The following AFF2 variants were observed in gnomAD, a reference collection of about 807,000 sequenced individuals.
AFF2 encodes ALF transcription elongation factor 2.
AFF2 carries 14 observed loss-of-function variants against 76.9 expected under a neutral mutation model. That is an observed-to-expected ratio of 0.18 (90% CI 0.12 to 0.28). The LOEUF is 0.28. Among genes scored for constraint, AFF2 ranks in the 10% least tolerant of loss-of-function variants. The pLI, the probability that AFF2 is intolerant of heterozygous loss-of-function variation, is 1.00. For missense variants in AFF2, 868 were observed against 1,001.1 expected (o/e 0.87, Z 1.79); for synonymous variants, 398 against 366.7 (o/e 1.09, Z -0.98).
chrX:148,835,377 T>C (rs2070508529), intron 4 of AFF2, among the ~76,000 whole-genome samples: 1 of 111,567 alleles, frequency 9.0e-6, no homozygotes, highest in South Asian at 3.7e-4. Context: ...ATTATTTTAA[T>C]TGACAAAAAT....
chrX:148,806,682 G>A (rs782301798), intron 3 of AFF2, among the ~76,000 whole-genome samples: 58 of 111,667 alleles, frequency 5.2e-4, no homozygotes, highest in Non-Finnish European at 9.8e-4. Context: ...ATGAATAGGC[G>A]GACAGGCGAA....
intron 7 of AFF2, among the ~76,000 whole-genome samples, chrX:148,857,253 A>C (rs2070796830): frequency 8.9e-6 from 1 of 111,748 alleles, no homozygotes; most frequent in Admixed American, 9.5e-5. Context: ...GTAAGCACTA[A>C]GTTAAGAGAG....
intron 1 of AFF2, among the ~76,000 whole-genome samples, chrX:148,572,868 C>T (rs1415223176): frequency 3.6e-5 from 4 of 110,685 alleles, no homozygotes; most frequent in African/African-American, 1.3e-4. Context: ...GAAAGGACTA[C>T]AGAATTATCG....
At chrX:148,834,505 ATGTGTGTG>A (rs61709112) in intron 4 of AFF2, among the ~76,000 whole-genome samples, 6,160 of 90,966 alleles carry the variant, frequency 0.068, 161 homozygotes, top group African/African-American at 0.073. Flanking sequence ...CCAGTCTCAG[ATGTGTGTG>A]TGTGTGTGTG....
chrX:148,788,461 G>A (rs782135386), intron 3 of AFF2, among the ~76,000 whole-genome samples: 2 of 111,796 alleles, frequency 1.8e-5, no homozygotes, highest in African/African-American at 3.2e-5. Flanking sequence ...AGGGTCCATC[G>A]CTATTTATAT....
At chrX:148,818,246 A>G (rs1223881735) in intron 4 of AFF2, among the ~76,000 whole-genome samples, 1 of 112,251 alleles carries the variant, frequency 8.9e-6, no homozygotes, top group Non-Finnish European at 1.9e-5. Flanking sequence ...ATAATACACA[A>G]ATTCAGCCAA....
At chrX:148,573,634 G>A (rs1171585001) in intron 1 of AFF2, among the ~76,000 whole-genome samples, 1 of 109,084 alleles carries the variant, frequency 9.2e-6, no homozygotes, top group African/African-American at 3.4e-5. Flanking sequence ...TAAATTTGAT[G>A]TGAACAATCC....
rs192771470 is a variant in AFF2, at chrX:148,960,037, T to A, written c.2690+1579T>A. Among the ~76,000 whole-genome samples the A allele has an allele frequency of 2.2e-4, 25 of 112,264 alleles. No homozygotes were observed. The East Asian group carries it at 4.8e-3, about 21-fold the overall frequency. ...TTACATAAAGGCCTAGTCATTTGAG[T>A]TGGTTCTTACCAAATGTCACACTCA... On this transcript the variant is annotated intron_variant, in intron 12 of 20. Coordinates refer to ENST00000370460, the MANE Select transcript of AFF2 (RefSeq NM_002025.4).
intron 16 of AFF2, among the ~76,000 whole-genome samples, chrX:148,976,473 G>A (rs1557290279): frequency 9.0e-6 from 1 of 111,467 alleles, no homozygotes; most frequent in Non-Finnish European, 1.9e-5. Flanking sequence ...TTTTTAATGA[G>A]AGGAATTTCA....
intron 3 of AFF2, among the ~76,000 whole-genome samples, chrX:148,722,050 T>C: frequency 9.0e-6 from 1 of 111,318 alleles, no homozygotes; most frequent in Non-Finnish European, 1.9e-5. Flanking sequence ...GTACCAGAGG[T>C]TAGGATTTCA....
At chrX:148,732,326 A>G (rs1446499703) in intron 3 of AFF2, among the ~76,000 whole-genome samples, 5 of 99,281 alleles carry the variant, frequency 5.0e-5, no homozygotes, top group African/African-American at 7.5e-5. Flanking sequence ...TCGCAAGAAC[A>G]AAAAAACCAA....
At chrX:148,540,744 A>C (rs1557237406) in intron 1 of AFF2, among the ~76,000 whole-genome samples, 2 of 111,632 alleles carry the variant, frequency 1.8e-5, no homozygotes, top group African/African-American at 6.5e-5. Context: ...GCTCCTAAAA[A>C]TCCTGACTTC....
rs782165609 is a variant in AFF2 at position 148,731,477 on chromosome X, T to TA, written c.1041+68709_1041+68710insA. ...GAAATAACAGAAGAAAGGAAGCATT[T>TA]CGGACAAAGCACTTACTTTAGAACA... On this transcript the variant is annotated intron_variant, in intron 3 of 20. Transcript: ENST00000370460. 1.5e-3 allele frequency among the ~76,000 whole-genome samples: 171 copies of TA among 112,000 alleles called. 1 individual carries two copies. The highest frequency in any genetic ancestry group is 5.4e-3 in the African/African-American group (166 of 30,846).
At chrX:148,618,381 G>C (rs1259094164) in intron 1 of AFF2, among the ~76,000 whole-genome samples, 1 of 111,198 alleles carries the variant, frequency 9.0e-6, no homozygotes, top group Non-Finnish European at 1.9e-5. Flanking sequence ...TCACATGGTG[G>C]CAGGAAGGAG....
chrX:148,654,146 C>T (rs929181217), intron 2 of AFF2, among the ~76,000 whole-genome samples: 23 of 110,954 alleles, frequency 2.1e-4, no homozygotes, highest in African/African-American at 7.2e-4. Flanking sequence ...AAAGGAAACT[C>T]CAAAGGAATG....
intron 7 of AFF2, among the ~76,000 whole-genome samples, chrX:148,881,151 A>G (rs1473732912): frequency 8.9e-6 from 1 of 111,799 alleles, no homozygotes; most frequent in Non-Finnish European, 1.9e-5. Context: ...GCCAAGAGGA[A>G]CACCATTTTG....
intron 4 of AFF2, among the ~76,000 whole-genome samples, chrX:148,816,230 T>C (rs1271707726): frequency 9.0e-6 from 1 of 111,516 alleles, no homozygotes; most frequent in African/African-American, 3.3e-5. Context: ...GAAACTCGTG[T>C]CTCTGCAAAA....
At chrX:148,592,222 T>A (rs1417409711) in intron 1 of AFF2, among the ~76,000 whole-genome samples, 1 of 111,828 alleles carries the variant, frequency 8.9e-6, no homozygotes, top group East Asian at 2.8e-4. Context: ...GAGCTTATAG[T>A]TATATGAACA....
intron 3 of AFF2, among the ~76,000 whole-genome samples, chrX:148,689,447 T>C (rs782125182): frequency 1.8e-5 from 2 of 110,289 alleles, no homozygotes; most frequent in South Asian, 7.9e-4. Flanking sequence ...TGAATAGAAA[T>C]GTTTGGAGTG....
Sources: gnomAD v4.1 joint callset for allele counts (sites outside exome capture counted in the v4.1 genomes callset) on GRCh38, gnomAD v4.1.1 for gene constraint, MANE v1.5 for transcripts, NCBI Gene and HGNC (gene_info 2026-07-23, HGNC 2026-07-21) for gene names.